Variants in PAPSS2 observed in about 807,000 individuals in gnomAD.
PAPSS2 encodes 3'-phosphoadenosine 5'-phosphosulfate synthase 2.
PAPSS2 carries 61 observed loss-of-function variants against 66.5 expected under a neutral mutation model. The observed-to-expected ratio is 0.92, with a 90% CI of 0.75 to 1.14. The LOEUF is 1.14. Ranked by LOEUF, PAPSS2 falls within the 50% of genes most tolerant of loss-of-function variation. PAPSS2 has a pLI of 0.00. For synonymous variants in PAPSS2, 289 were observed against 287.5 expected, an observed-to-expected ratio of 1.01 and a Z score of -0.05; for missense variants, 708 against 789.6, an observed-to-expected ratio of 0.90 and a Z score of 1.24.
intron 10 of PAPSS2, among the ~76,000 whole-genome samples, chr10:87,742,140 T>G (rs1442448258): frequency 1.3e-5 from 2 of 152,226 alleles, no homozygotes; most frequent in Non-Finnish European, 2.9e-5. Flanking sequence ...TTTATAAAGT[T>G]GTACTATATA....
At chr10:87,713,599 TAAAC>T (rs1407137520) in intron 3 of PAPSS2, among the ~76,000 whole-genome samples, 2 of 152,306 alleles carry the variant, frequency 1.3e-5, no homozygotes, top group South Asian at 4.1e-4. Flanking sequence ...AAGAGAAAGT[TAAAC>T]AAGAGAAACT....
At chr10:87,664,158 G>T (rs777380609) in intron 1 of PAPSS2, among the ~76,000 whole-genome samples, 4 of 152,178 alleles carry the variant, frequency 2.6e-5, no homozygotes, top group Non-Finnish European at 5.9e-5. Flanking sequence ...CTGAGCTGAA[G>T]AGATCCTCCT....
chr10:87,737,740 A>C (rs1853818489), intron 9 of PAPSS2, among the ~76,000 whole-genome samples: 1 of 152,116 alleles, frequency 6.6e-6, no homozygotes, highest in Non-Finnish European at 1.5e-5. Flanking sequence ...GGAGAACTGC[A>C]TAAGCCCCGG....
intron 8 of PAPSS2, among the ~76,000 whole-genome samples, chr10:87,725,537 G>A (rs770104069): frequency 2.0e-4 from 30 of 152,238 alleles, no homozygotes; most frequent in Non-Finnish European, 3.5e-4. Context: ...CTGTGGTTGC[G>A]TTAGCAAGAC....
At chr10:87,721,498 T>C (rs1853598808) in intron 7 of PAPSS2, among the ~76,000 whole-genome samples, 1 of 152,164 alleles carries the variant, frequency 6.6e-6, no homozygotes, top group Admixed American at 6.5e-5. Context: ...AATAAATAAA[T>C]AAAAAATTAG....
intron 7 of PAPSS2, among the ~76,000 whole-genome samples, chr10:87,720,421 T>C (rs1853580024): frequency 1.3e-5 from 2 of 152,274 alleles, no homozygotes; most frequent in South Asian, 4.2e-4. Flanking sequence ...CAGAGTTAAA[T>C]TGTAAAAAGT....
At chr10:87,671,239 A>T (rs947127984) in intron 1 of PAPSS2, among the ~76,000 whole-genome samples, 1 of 152,268 alleles carries the variant, frequency 6.6e-6, no homozygotes, top group African/African-American at 2.4e-5. Flanking sequence ...ATGCAAAAGG[A>T]TCTTTTGATT....
chr10:87,709,054 G>C, intron 1 of PAPSS2, 142 bp from the exon 2 acceptor site: 1 of 584,428 alleles, frequency 1.7e-6, no homozygotes. Flanking sequence ...ACAAAGGTGA[G>C]TCTCTTTCAA....
At chr10:87,722,606 A>T (rs923364307) in intron 8 of PAPSS2, among the ~76,000 whole-genome samples, 1 of 152,224 alleles carries the variant, frequency 6.6e-6, no homozygotes, top group Non-Finnish European at 1.5e-5. Context: ...TCAAAATAAG[A>T]TATACCACAA....
At chr10:87,661,548 T>C (rs2131890166) in intron 1 of PAPSS2, among the ~76,000 whole-genome samples, 1 of 152,294 alleles carries the variant, frequency 6.6e-6, no homozygotes, top group African/African-American at 2.4e-5. Flanking sequence ...GCATCAAGAA[T>C]TCCTTCTCAG....
rs141604779 is a variant in PAPSS2, at chr10:87,714,139, C to T, written c.477C>T (p.Asp159=). The change falls in exon 4 of 13, where the codon GAC becomes GAT. Residue 159 remains aspartate (D), a synonymous_variant. Transcript: ENST00000456849. ...DAPLNICESR[D]VKGLYKRARA... is the part of the protein sequence containing the mutation. ...CTCTAAATATTTGTGAAAGCAGAGA[C>T]GTAAAAGGCCTCTATAAAAGGGCCA... 3,340 of 1,613,758 alleles carry T rather than the reference C, an allele frequency of 2.1e-3. 20 individuals carry two copies. Among genetic ancestry groups the T allele is most frequent in the South Asian group, 2.7e-3 (249 of 91,076 alleles).
Position 87,685,813 on chromosome 10 carries a change from A to G in PAPSS2, c.28-23383A>G, listed in dbSNP as rs377190310. On this transcript the variant is annotated intron_variant, in intron 1 of 12. Coordinates refer to ENST00000456849, the MANE Select transcript of PAPSS2 (RefSeq NM_001015880.2). ...TAGCCTTGTGTCAGGAGCCCATGTG[A>G]GGCCAGTTCTTGGCTTCTCCTTGGC... Among the ~76,000 whole-genome samples the G allele has an allele frequency of 2.2e-4, 34 of 152,290 alleles. No homozygotes were observed. The East Asian group carries it at 2.7e-3, about 12-fold the overall frequency.
chr10:87,734,709 A>C, intron 9 of PAPSS2, among the ~76,000 whole-genome samples: 1 of 121,624 alleles, frequency 8.2e-6, no homozygotes, highest in Non-Finnish European at 1.7e-5. Context: ...ATATATATGT[A>C]TGTATTCTCC....
At chr10:87,719,794 T>C (rs12414519) in intron 7 of PAPSS2, among the ~76,000 whole-genome samples, 79,615 of 152,008 alleles carry the variant, frequency 0.52, 22,139 homozygotes, top group East Asian at 0.75. Context: ...TGCTGAGAAA[T>C]ACAGTACAGT....
intron 1 of PAPSS2, among the ~76,000 whole-genome samples, chr10:87,706,108 A>ATATATATATATGTGTGTGTGTG: frequency 2.1e-4 from 11 of 52,014 alleles, no homozygotes; most frequent in African/African-American, 1.0e-3. Context: ...ATATATATAT[A>ATATATATATATGTGTGTGTGTG]TGTGTGTGTG....
At chr10:87,686,300 A>G (rs1853088070) in intron 1 of PAPSS2, among the ~76,000 whole-genome samples, 1 of 148,262 alleles carries the variant, frequency 6.7e-6, no homozygotes. Flanking sequence ...ACACTGTGGA[A>G]TCTGTGAGTA....
Position 87,713,312 on chromosome 10 carries a change from TA to T in PAPSS2, c.381+24del, listed in dbSNP as rs367885911. ...AGCTTTATTTCTCCATTCGCAAAGG[TA>T]AAAAAAAAAAAAAAAAAAAAAGGCA... On this transcript the variant is annotated splice_donor_region_variant and intron_variant, in intron 3 of 12. Coordinates refer to ENST00000456849, the MANE Select transcript of PAPSS2 (RefSeq NM_001015880.2). The T allele has an allele frequency of 0.1, 55,074 of 544,722 alleles. 130 individuals carry two copies. The highest frequency in any genetic ancestry group is 0.12 in the Middle Eastern group (223 of 1,878). The allele number at this position is 544,722 out of a possible 1,614,324, so 33.7% of individuals were successfully genotyped here.
intron 8 of PAPSS2, 133 bp from the exon 9 acceptor site, chr10:87,727,151 C>G: frequency 1.3e-6 from 1 of 767,692 alleles, no homozygotes; most frequent in South Asian, 1.5e-5. Flanking sequence ...GCAGCTAACA[C>G]AACTACTTGG....
chr10:87,741,058 T>A (rs925334123), intron 9 of PAPSS2, among the ~76,000 whole-genome samples, 177 bp from the exon 10 acceptor site: 9 of 152,184 alleles, frequency 5.9e-5, no homozygotes, highest in Admixed American at 5.9e-4. Flanking sequence ...CAATAATTTT[T>A]TAAGAGCATA....
Sources: allele counts gnomAD v4.1 joint callset (sites outside exome capture counted in the v4.1 genomes callset), GRCh38; gene constraint gnomAD v4.1.1; transcripts MANE v1.5; gene names NCBI Gene and HGNC (gene_info 2026-07-23, HGNC 2026-07-21).